RSPH14: variants seen among roughly 807,000 people sequenced by gnomAD.
RSPH14 encodes rhabdoid tumor deletion region gene 1.
A neutral mutation model predicts 26.7 loss-of-function variants in RSPH14; 20 were observed. The observed-to-expected ratio is 0.75, with a 90% CI of 0.53 to 1.09. The LOEUF (loss-of-function observed/expected upper bound fraction) is 1.09, where lower values mean the gene tolerates loss of function less well. RSPH14 is among the 50% of genes least tolerant of loss of function. The pLI, the probability that RSPH14 is intolerant of heterozygous loss-of-function variation, is 0.00. For synonymous variants in RSPH14, 177 were observed against 189.3 expected (o/e 0.93, Z 0.53); for missense variants, 449 against 457.2 (o/e 0.98, Z 0.16).
At chr22:23,162,772 C>T in the RSPH14 span, 242,914 of 455,774 alleles carry the variant, frequency 0.53, 66,128 homozygotes, top group African/African-American at 0.69. Flanking sequence ...ATCAGTACTG[C>T]TCTCCTAGGG....
chr22:23,180,702 C>T, the RSPH14 span: 1 of 149,950 alleles, frequency 6.7e-6, no homozygotes, highest in African/African-American at 2.4e-5. Flanking sequence ...GCCCGCGCCT[C>T]GCCGTGCGGA....
chr22:23,068,248 C>G (rs1253453297), intron 4 of RSPH14, among the ~76,000 whole-genome samples: 1 of 152,234 alleles, frequency 6.6e-6, no homozygotes, highest in Admixed American at 6.5e-5. Context: ...CTGCTATGGC[C>G]TCATTCCAAG....
intron 4 of RSPH14, among the ~76,000 whole-genome samples, chr22:23,079,773 G>A (rs1446420516): frequency 6.6e-6 from 1 of 152,138 alleles, no homozygotes; most frequent in East Asian, 1.9e-4. Flanking sequence ...GCAATTAAGG[G>A]TTCCCCTGAG....
chr22:23,152,568 C>G, the RSPH14 span: 1 of 1,586,168 alleles, frequency 6.3e-7, no homozygotes, highest in Non-Finnish European at 8.7e-7. Context: ...TCCCCCAGCA[C>G]CAGGTTGTCA....
intron 4 of RSPH14, among the ~76,000 whole-genome samples, chr22:23,110,475 C>T (rs112716162): frequency 1.3e-5 from 2 of 152,224 alleles, no homozygotes; most frequent in African/African-American, 4.8e-5. Context: ...TCCCCTCTCC[C>T]CTGCCCACTG....
At chr22:23,111,095 G>A (rs931536698) in intron 4 of RSPH14, among the ~76,000 whole-genome samples, 4 of 152,224 alleles carry the variant, frequency 2.6e-5, no homozygotes, top group African/African-American at 4.8e-5. Context: ...CGCCTTCCCT[G>A]TGAGCGTGAG....
chr22:23,176,215 G>A, the RSPH14 span, among the ~76,000 whole-genome samples: 1 of 152,330 alleles, frequency 6.6e-6, no homozygotes, highest in African/African-American at 2.4e-5. Context: ...CCATCCCAAA[G>A]TCATCCCCAT....
intron 6 of RSPH14, among the ~76,000 whole-genome samples, chr22:23,061,025 A>C (rs768227660): frequency 4.6e-5 from 7 of 152,114 alleles, no homozygotes; most frequent in Non-Finnish European, 7.4e-5. Flanking sequence ...CAGTAAAAGG[A>C]GGGGCTGTGG....
upstream of RSPH14, among the ~76,000 whole-genome samples, chr22:23,147,679 G>A (rs1381222514): frequency 6.6e-6 from 1 of 152,090 alleles, no homozygotes; most frequent in African/African-American, 2.4e-5. Context: ...TTCTGGCATG[G>A]GTTTACAATG....
chr22:23,091,745 G>A (rs2068987088), intron 4 of RSPH14, among the ~76,000 whole-genome samples: 1 of 152,230 alleles, frequency 6.6e-6, no homozygotes, highest in Non-Finnish European at 1.5e-5. Flanking sequence ...CCACAAACAT[G>A]CAGGTACACA....
At chr22:23,125,295 C>CGTAT in intron 4 of RSPH14, among the ~76,000 whole-genome samples, 1 of 152,014 alleles carries the variant, frequency 6.6e-6, no homozygotes, top group East Asian at 1.9e-4. Context: ...TGACTCCTGC[C>CGTAT]CCTCCCGCTG....
chr22:23,118,805 G>A (rs2069927015), intron 4 of RSPH14, among the ~76,000 whole-genome samples: 1 of 152,242 alleles, frequency 6.6e-6, no homozygotes, highest in South Asian at 2.1e-4. Context: ...GTGGCCCACA[G>A]GTGGGCTGCA....
At chr22:23,065,017 G>A (rs112531404) in intron 4 of RSPH14, among the ~76,000 whole-genome samples, 3,719 of 152,212 alleles carry the variant, frequency 0.024, 142 homozygotes, top group African/African-American at 0.082. Context: ...AGCTGCCCTC[G>A]CCACTGCCCT....
intron 4 of RSPH14, among the ~76,000 whole-genome samples, chr22:23,084,092 G>A (rs1165220946): frequency 6.6e-6 from 1 of 152,160 alleles, no homozygotes; most frequent in Non-Finnish European, 1.5e-5. Context: ...TTCCTGGGAG[G>A]GTAGCTTGTC....
chr22:23,102,932 T>A (rs1211220451), intron 4 of RSPH14, among the ~76,000 whole-genome samples: 1 of 152,250 alleles, frequency 6.6e-6, no homozygotes, highest in East Asian at 1.9e-4. Flanking sequence ...GCGTGGGCTC[T>A]GCTGGGGCCT....
the RSPH14 span, chr22:23,153,103 G>A: frequency 2.5e-6 from 4 of 1,614,146 alleles, no homozygotes; most frequent in Non-Finnish European, 3.4e-6. Flanking sequence ...TGAGCGCTTT[G>A]AGATTGCTGG....
the RSPH14 span, among the ~76,000 whole-genome samples, chr22:23,157,735 G>A: frequency 3.9e-5 from 6 of 152,200 alleles, no homozygotes; most frequent in African/African-American, 1.2e-4. Flanking sequence ...AAGCCCATGC[G>A]CTCGCTCCAC....
chr22:23,101,448 G>A (rs570852847), intron 4 of RSPH14, among the ~76,000 whole-genome samples: 1 of 152,182 alleles, frequency 6.6e-6, no homozygotes, highest in Non-Finnish European at 1.5e-5. Flanking sequence ...AGTGACACCT[G>A]GGCTTGGGAG....
intron 4 of RSPH14, among the ~76,000 whole-genome samples, chr22:23,127,100 C>G (rs537998544): frequency 6.6e-6 from 1 of 152,198 alleles, no homozygotes; most frequent in Non-Finnish European, 1.5e-5. Context: ...TCCACATTCC[C>G]CAGATCCCCA....
Sources: gnomAD v4.1 joint callset for allele counts (sites outside exome capture counted in the v4.1 genomes callset) on GRCh38, gnomAD v4.1.1 for gene constraint, MANE v1.5 for transcripts, NCBI Gene and HGNC (gene_info 2026-07-23, HGNC 2026-07-21) for gene names.